DCAF13: variants seen among roughly 807,000 people sequenced by gnomAD.
The protein encoded by DCAF13 is DDB1- and CUL4-associated factor 13.
A neutral mutation model predicts 59.0 loss-of-function variants in DCAF13; 38 were observed. The observed-to-expected ratio is 0.64, with a 90% CI of 0.50 to 0.84. The LOEUF (loss-of-function observed/expected upper bound fraction) is 0.84, where lower values mean the gene tolerates loss of function less well. Among genes scored for constraint, DCAF13 ranks in the 40% least tolerant of loss-of-function variants. DCAF13 has a pLI of 0.00. For synonymous variants in DCAF13, 173 were observed against 175.0 expected (o/e 0.99, Z 0.09); for missense variants, 469 against 558.4 (o/e 0.84, Z 1.61).
Position 103,427,134 on chromosome 8 carries a change from C to T in DCAF13, c.506C>T (p.Ala169Val). Reference sequence around the variant, plus strand: ...GGGATTGATCATCACTGGAAAGAAGCTGTTTTTGCCACATGTGGACAGCAA... The same window carrying T: ...GGGATTGATCATCACTGGAAAGAAGTTGTTTTTGCCACATGTGGACAGCAA... ...YTGIDHHWKE[A>V]VFATCGQQVD... is the part of the protein sequence containing the mutation. The change falls in exon 5 of 11, where the codon GCT becomes GTT. Residue 169 changes from alanine (A) to valine (V), a missense_variant. Around this residue, in one of 3 missense-constraint regions of DCAF13, gnomAD observed 355 missense variants for 399.1 expected, o/e 0.89. Coordinates refer to ENST00000612750, the MANE Select transcript of DCAF13 (RefSeq NM_015420.7). 6.2e-7 allele frequency: 1 copy of T among 1,613,176 alleles called. No individual in the cohort carries two copies. The highest frequency in any genetic ancestry group is 2.2e-5 in the East Asian group (1 of 44,814).
chr8:103,435,883 G>T, intron 8 of DCAF13, 93 bp downstream of exon 8: 1 of 1,305,908 alleles, frequency 7.7e-7, no homozygotes, highest in Non-Finnish European at 1.1e-6. Context: ...TTTCATCATT[G>T]TGTGAACATC....
chr8:103,426,134 A>G lies in DCAF13; in HGVS notation c.457A>G (p.Ile153Val), dbSNP rs1210068101. 1 of 1,606,808 alleles carries G rather than the reference A, an allele frequency of 6.2e-7. No homozygotes were observed. The highest frequency in any genetic ancestry group is 1.7e-5 in the Admixed American group (1 of 59,788). ...YGDEEEPLHT[I>V]LGKTVYTGID... ...AGACGAGGAAGAGCCATTACATACA[A>G]TATTAGGAAAGGTACAAAAGTAAAT... Residue 153 changes from isoleucine to valine, a missense_variant, in exon 4 of 11, where the codon ATA becomes GTA. Ile to Val is a conservative substitution (Grantham distance 29). Coordinates refer to ENST00000612750, the MANE Select transcript of DCAF13 (RefSeq NM_015420.7).
chr8:103,419,873 G>A (rs1234524961), intron 1 of DCAF13, among the ~76,000 whole-genome samples: 1 of 152,086 alleles, frequency 6.6e-6, no homozygotes, highest in Non-Finnish European at 1.5e-5. Flanking sequence ...GCTGGGCGTG[G>A]TGGCATGCGC....
chr8:103,426,300 C>G (rs1444682778), intron 4 of DCAF13, among the ~76,000 whole-genome samples, 155 bp downstream of exon 4: 1 of 151,458 alleles, frequency 6.6e-6, no homozygotes, highest in Non-Finnish European at 1.5e-5. Flanking sequence ...ATATTTAATG[C>G]AGCTAAAGTC....
intron 8 of DCAF13, among the ~76,000 whole-genome samples, chr8:103,436,990 G>A (rs1286678099): frequency 6.6e-6 from 1 of 152,156 alleles, no homozygotes; most frequent in Non-Finnish European, 1.5e-5. Flanking sequence ...GTCATTGTCA[G>A]CAGATAATTA....
At chr8:103,417,268 C>T (rs1022052297) in intron 1 of DCAF13, among the ~76,000 whole-genome samples, 13 of 151,980 alleles carry the variant, frequency 8.6e-5, no homozygotes, top group African/African-American at 1.5e-4. Flanking sequence ...TAATAGTAGC[C>T]ATTAAAACCA....
intron 4 of DCAF13, 95 bp from the exon 5 acceptor site, chr8:103,427,002 C>G: frequency 1.0e-6 from 1 of 965,644 alleles, no homozygotes; most frequent in Non-Finnish European, 1.4e-6. Context: ...GGGCTTTTCT[C>G]TAAAAAGATA....
intron 5 of DCAF13, chr8:103,428,205 T>A (rs1816818883): frequency 6.6e-6 from 1 of 152,122 alleles, no homozygotes; most frequent in Non-Finnish European, 1.5e-5. Flanking sequence ...CTTGAGGAAT[T>A]ACTGAGAAGT....
Position 103,435,734 on chromosome 8 carries a change from G to A in DCAF13, c.894G>A (p.Val298=), listed in dbSNP as rs1312788978. 2 of 1,613,810 alleles carry A rather than the reference G, an allele frequency of 1.2e-6. No individual in the cohort carries two copies. Among genetic ancestry groups the A allele is most frequent in the East Asian group, 2.2e-5 (1 of 44,876 alleles). Reference sequence around the variant, plus strand: ...ACTCTCCCACTGGGAAGGAGTTTGTGTCTGCTAGTTTCGATAAATCTATTC... The same window carrying A: ...ACTCTCCCACTGGGAAGGAGTTTGTATCTGCTAGTTTCGATAAATCTATTC... ...VDYSPTGKEF[V]SASFDKSIRI... The change falls in exon 8 of 11, where the codon GTG becomes GTA. Residue 298 remains valine (V), a synonymous_variant. Coordinates refer to ENST00000612750, the MANE Select transcript of DCAF13 (RefSeq NM_015420.7).
chr8:103,439,932 T>C (rs1397382137), intron 8 of DCAF13: 14 of 342,982 alleles, frequency 4.1e-5, no homozygotes. Context: ...GTAAGTTCTC[T>C]GAGAGCAGAA....
At chr8:103,436,319 C>A (rs975595717) in intron 8 of DCAF13, among the ~76,000 whole-genome samples, 1 of 151,908 alleles carries the variant, frequency 6.6e-6, no homozygotes, top group African/African-American at 2.4e-5. Context: ...TATGCCAAAC[C>A]AAAAATTAAA....
At position 103,430,959 on chromosome 8, in the gene DCAF13, T is replaced by TA. The variant is rs1488690114; in HGVS notation, c.702+271dup. On this transcript the variant is annotated intron_variant, in intron 6 of 10. Coordinates refer to ENST00000612750, the MANE Select transcript of DCAF13 (RefSeq NM_015420.7). Reference sequence around the variant, plus strand: ...ACATTTTAGGCCTCTAATTAATACTTACTGAATTGAAAGTTCTTAAAGGTA... The same window carrying TA: ...ACATTTTAGGCCTCTAATTAATACTTAACTGAATTGAAAGTTCTTAAAGGTA... Among the ~76,000 whole-genome samples the TA allele has an allele frequency of 4.6e-5, 7 of 152,230 alleles. No individual in the cohort carries two copies. The South Asian group carries it at 6.2e-4, about 14-fold the overall frequency.
chr8:103,419,342 G>A (rs953054414), intron 1 of DCAF13, among the ~76,000 whole-genome samples: 6 of 152,174 alleles, frequency 3.9e-5, no homozygotes, highest in African/African-American at 1.4e-4. Flanking sequence ...CATCAATAAA[G>A]TGTGAGATAG....
chr8:103,423,596 G>A (rs1816751650), intron 3 of DCAF13, among the ~76,000 whole-genome samples: 1 of 152,132 alleles, frequency 6.6e-6, no homozygotes, highest in Non-Finnish European at 1.5e-5. Flanking sequence ...AGATGGGATG[G>A]ATGTTGTACA....
intron 4 of DCAF13, among the ~76,000 whole-genome samples, chr8:103,426,607 G>A (rs1389692107): frequency 6.6e-6 from 1 of 152,082 alleles, no homozygotes; most frequent in East Asian, 1.9e-4. Context: ...TGCAAATCAG[G>A]TGATGGGTGG....
At chr8:103,419,393 G>T (rs1816691343) in intron 1 of DCAF13, among the ~76,000 whole-genome samples, 1 of 152,156 alleles carries the variant, frequency 6.6e-6, no homozygotes, top group South Asian at 2.1e-4. Context: ...AGATTAAACG[G>T]TTAAGGTTTT....
At chr8:103,431,888 T>C (rs1218567200) in intron 6 of DCAF13, among the ~76,000 whole-genome samples, 4 of 152,154 alleles carry the variant, frequency 2.6e-5, no homozygotes, top group African/African-American at 9.6e-5. Context: ...GAAGAAAATG[T>C]AGCCTGGCTT....
intron 8 of DCAF13, among the ~76,000 whole-genome samples, chr8:103,438,572 A>T (rs1198798864): frequency 1.3e-5 from 2 of 151,946 alleles, no homozygotes; most frequent in Admixed American, 6.6e-5. Context: ...GCTAATTTTT[A>T]AAATTTATCT....
chr8:103,439,382 G>GTTT (rs1816975282), intron 8 of DCAF13: 1 of 111,122 alleles, frequency 9.0e-6, no homozygotes, highest in African/African-American at 3.5e-5. Flanking sequence ...CTTTAATTAA[G>GTTT]CTTTTTTTTT....
Sources: allele counts gnomAD v4.1 joint callset (sites outside exome capture counted in the v4.1 genomes callset), GRCh38; gene constraint gnomAD v4.1.1; regional missense constraint gnomAD v4.1.1; transcripts MANE v1.5; gene names NCBI Gene and HGNC (gene_info 2026-07-23, HGNC 2026-07-21).